DDX42: variants seen among roughly 807,000 people sequenced by gnomAD.
DDX42 encodes the protein ATP-dependent RNA helicase DDX42.
DDX42 carries 22 observed loss-of-function variants against 101.5 expected under a neutral mutation model. The ratio of observed to expected loss-of-function variants is 0.22; its 90% CI spans 0.15 to 0.31. The LOEUF is 0.31. DDX42 is among the 10% of genes least tolerant of loss of function. The pLI, the probability that DDX42 is intolerant of heterozygous loss-of-function variation, is 1.00. For synonymous variants in DDX42, 402 were observed against 401.2 expected (o/e 1.00, Z -0.02); for missense variants, 849 against 1,199.9 (o/e 0.71, Z 4.32).
chr17:63,803,910 A>G (rs1598336912), intron 6 of DDX42, among the ~76,000 whole-genome samples: 1 of 152,098 alleles, frequency 6.6e-6, no homozygotes, highest in South Asian at 2.1e-4. Context: ...TCAGCCTCCC[A>G]AAGTGCTGGG....
chr17:63,773,805 G>C (rs1004879860), upstream of DDX42: 1 of 152,686 alleles, frequency 6.5e-6, no homozygotes, highest in African/African-American at 2.4e-5. Context: ...ACGTCACACG[G>C]AACCGGTGCT....
chr17:63,808,768 C>A (rs897355492), intron 9 of DDX42, 52 bp from the exon 10 acceptor site: 38 of 1,600,654 alleles, frequency 2.4e-5, no homozygotes, highest in Non-Finnish European at 3.1e-5. Context: ...TGGGTTGTGA[C>A]AGGTATTTGT....
intron 1 of DDX42, among the ~76,000 whole-genome samples, chr17:63,781,032 A>G (rs1489357999): frequency 1.3e-5 from 2 of 152,080 alleles, no homozygotes; most frequent in African/African-American, 4.8e-5. Context: ...TTCTGTAGGT[A>G]ATGCTTCACT....
At chr17:63,774,937 A>G (rs1376283673) in intron 1 of DDX42, among the ~76,000 whole-genome samples, 2 of 152,232 alleles carry the variant, frequency 1.3e-5, no homozygotes, top group African/African-American at 2.4e-5. Context: ...AAACATATGC[A>G]TCAAAAACAG....
At chr17:63,816,569 G>A (rs192352990) in intron 16 of DDX42, 7 of 222,904 alleles carry the variant, frequency 3.1e-5, no homozygotes, top group African/African-American at 1.2e-4. Context: ...CATCTTTAAC[G>A]TAATTTTTAC....
chr17:63,793,832 ATGG>A (rs2039658040), intron 3 of DDX42, among the ~76,000 whole-genome samples: 1 of 148,880 alleles, frequency 6.7e-6, no homozygotes, highest in Middle Eastern at 3.5e-3. Flanking sequence ...CCTCAAAATA[ATGG>A]TGGGAAATAG....
At chr17:63,801,620 C>T (rs991586211) in intron 6 of DDX42, among the ~76,000 whole-genome samples, 3 of 151,286 alleles carry the variant, frequency 2.0e-5, no homozygotes, top group Non-Finnish European at 4.4e-5. Flanking sequence ...GCCTCTGCTT[C>T]CCAGGTTCAT....
intron 3 of DDX42, among the ~76,000 whole-genome samples, chr17:63,795,881 C>T (rs57453609): frequency 6.6e-6 from 1 of 152,146 alleles, no homozygotes; most frequent in Admixed American, 6.5e-5. Flanking sequence ...CCCCATATTC[C>T]TTATGCAGTA....
chr17:63,778,558 T>TA (rs533379083), intron 1 of DDX42, among the ~76,000 whole-genome samples: 41 of 152,344 alleles, frequency 2.7e-4, no homozygotes, highest in African/African-American at 9.4e-4. Flanking sequence ...CTTAGCACCT[T>TA]AGAGCAGTTA....
intron 1 of DDX42, among the ~76,000 whole-genome samples, chr17:63,784,780 A>AT (rs11429494): frequency 0.33 from 48,755 of 149,776 alleles, 8,459 homozygotes; most frequent in South Asian, 0.58. Flanking sequence ...TTAAAAAAAG[A>AT]TTTTTTTTTT....
In DDX42 at chr17:63,808,764, G is replaced by A. The variant is rs2144579831; in HGVS notation, c.1024-56G>A. The stretch of plus-strand genomic sequence containing the variant: ...TGTTTTTCAGAACTTCGTTTGGGTT[G>A]TGACAGGTATTTGTTAGTGTCACAG... On this transcript the variant is annotated intron_variant, in intron 9 of 17. Transcript: ENST00000389924. 3.7e-6 allele frequency: 6 copies of A among 1,601,070 alleles called. No individual in the cohort carries two copies. The East Asian group carries it at 9.0e-5, about 24-fold the overall frequency.
Position 63,796,900 on chromosome 17 carries a change from C to T in DDX42, c.373-1138C>T, listed in dbSNP as rs143017994. On this transcript the variant is annotated intron_variant, in intron 3 of 17. Coordinates refer to ENST00000389924, the MANE Select transcript of DDX42 (RefSeq NM_203499.3). ...CAGGAACATTTGGTTTGATAGAACA[C>T]CCGATCATGCCACAGTATATATAGT... is the stretch of plus-strand genomic sequence containing the variant. Among the ~76,000 whole-genome samples the T allele has an allele frequency of 5.9e-4, 90 of 152,252 alleles. 1 individual carries two copies. In the East Asian group the frequency reaches 0.015, roughly 25 times the overall value.
In DDX42 at chr17:63,818,460, G is replaced by C; in HGVS notation, c.*62G>C. The C allele has an allele frequency of 6.7e-7, 1 of 1,497,506 alleles. No homozygotes were observed. The highest frequency in any genetic ancestry group is 1.4e-5 in the African/African-American group (1 of 72,088). The allele number at this position is 1,497,506 out of a possible 1,614,324, so 92.8% of individuals were successfully genotyped here. On this transcript the variant is annotated 3_prime_UTR_variant, in exon 18 of 18. Transcript: ENST00000389924. ...ATTTTTAGAAAGATTTTGGTAACTA[G>C]GTGTCTCAGGGCTGGGTTGGGGTCC...
intron 1 of DDX42, among the ~76,000 whole-genome samples, chr17:63,778,216 A>G (rs566739103): frequency 2.5e-4 from 38 of 152,194 alleles, no homozygotes; most frequent in African/African-American, 9.2e-4. Context: ...TCTCACTATT[A>G]CTTCATCATT....
chr17:63,809,682 T>G, intron 11 of DDX42, 23 bp downstream of exon 11: 1 of 1,583,854 alleles, frequency 6.3e-7, no homozygotes, highest in South Asian at 1.1e-5. Flanking sequence ...TACCAGTTTC[T>G]TCTGTCCCCA....
At chr17:63,806,303 T>A (rs903494745) in intron 7 of DDX42, 1 of 336,564 alleles carries the variant, frequency 3.0e-6, no homozygotes, top group African/African-American at 2.1e-5. Context: ...TTTTAATCAT[T>A]TAAAATTGTA....
intron 3 of DDX42, among the ~76,000 whole-genome samples, chr17:63,793,722 C>G (rs993278524): frequency 1.3e-5 from 2 of 152,040 alleles, no homozygotes; most frequent in African/African-American, 2.4e-5. Context: ...ATCCTTCTTG[C>G]CATCTTCCTC....
At chr17:63,781,147 C>T (rs1350788039) in intron 1 of DDX42, among the ~76,000 whole-genome samples, 1 of 152,202 alleles carries the variant, frequency 6.6e-6, no homozygotes, top group Non-Finnish European at 1.5e-5. Context: ...TCAACCCTGT[C>T]CCTACTGCTC....
intron 6 of DDX42, among the ~76,000 whole-genome samples, chr17:63,801,064 TTCTC>T (rs1205038769): frequency 4.6e-5 from 7 of 151,128 alleles, no homozygotes; most frequent in Admixed American, 3.3e-4. Flanking sequence ...TTTCTTCTTT[TTCTC>T]TCTCTCTCTG....
Sources: gnomAD v4.1 joint callset for allele counts (sites outside exome capture counted in the v4.1 genomes callset) on GRCh38, gnomAD v4.1.1 for gene constraint, MANE v1.5 for transcripts, NCBI Gene and HGNC (gene_info 2026-07-23, HGNC 2026-07-21) for gene names.